Variants in AGO1 observed in about 807,000 individuals in gnomAD.
AGO1 encodes the protein protein argonaute-1.
In AGO1, 11 loss-of-function variants were observed where a neutral mutation model predicts 109.2. That is an observed-to-expected ratio of 0.10 (90% CI 0.06 to 0.17). The LOEUF is 0.17. Ranked by LOEUF, AGO1 falls within the 10% of genes least tolerant of loss-of-function variation. The probability of loss-of-function intolerance (pLI) is 1.00; values close to 1 mark genes in which losing one functional copy is unlikely to be tolerated. For missense variants in AGO1, 574 were observed against 1,140.3 expected (o/e 0.50, Z 7.15); for synonymous variants, 422 against 418.6 (o/e 1.01, Z -0.10).
Position 35,919,882 on chromosome 1 carries a change from C to T in AGO1, c.*275C>T. 2.3e-6 allele frequency: 1 copy of T among 432,246 alleles called. No individual in the cohort carries two copies. The highest frequency in any genetic ancestry group is 4.2e-6 in the Non-Finnish European group (1 of 237,846). The allele number at this position is 432,246 out of a possible 1,614,324, so 26.8% of individuals were successfully genotyped here. On this transcript the variant is annotated 3_prime_UTR_variant, in exon 19 of 19. Transcript: ENST00000373204. The surrounding 1 kb of genome is among the most constrained non-coding windows in gnomAD (Gnocchi z 6.6). ...CCCCACTGGACCAAAAGGGGCAGCA[C>T]TGGTGCCCACCATACACACAGGTGT...
intron 8 of AGO1, among the ~76,000 whole-genome samples, chr1:35,895,731 T>A (rs2148712556): frequency 6.6e-6 from 1 of 152,368 alleles, no homozygotes; most frequent in Non-Finnish European, 1.5e-5. Context: ...ATTGTCATAC[T>A]TTTATAAGTC....
At position 35,871,541 on chromosome 1, in the gene AGO1, C is replaced by CAAAA. The variant is rs912462183; in HGVS notation, c.-201+1644_-201+1647dup. Among the ~76,000 whole-genome samples, 3 of 138,242 alleles carry CAAAA rather than the reference C, an allele frequency of 2.2e-5. No homozygotes were observed. In the East Asian group the frequency reaches 6.4e-4, roughly 30 times the overall value. 90.7% of individuals were successfully genotyped at this position (138,242 alleles called of 152,430 possible). A position where few individuals can be genotyped will look rare whatever the true frequency, so the allele number is the denominator to read the frequency against. ...CTGGTGACAGAGCAAGACTCCGTCT[C>CAAAA]AAAAAAAAAGAAAAAAAAAAGATTA... On this transcript the variant is annotated intron_variant, in intron 1 of 18. Coordinates refer to the AGO1 transcript ENST00000373206.
intron 12 of AGO1, among the ~76,000 whole-genome samples, chr1:35,909,543 C>T (rs1415889338): frequency 6.6e-6 from 1 of 152,206 alleles, no homozygotes; most frequent in Non-Finnish European, 1.5e-5. Context: ...TTGTCCCCCA[C>T]CTTGCACTTA....
At chr1:35,894,801 T>C (rs1645289176) in intron 7 of AGO1, among the ~76,000 whole-genome samples, 1 of 152,250 alleles carries the variant, frequency 6.6e-6, no homozygotes, top group East Asian at 1.9e-4. Context: ...CTGATTATTA[T>C]GAGTGTCTAC....
At chr1:35,874,972 A>T (rs1218713969) in intron 1 of AGO1, among the ~76,000 whole-genome samples, 1 of 152,332 alleles carries the variant, frequency 6.6e-6, no homozygotes, top group South Asian at 2.1e-4. Context: ...ATAGAAGAAA[A>T]GTTTGAAGCT....
In AGO1 at chr1:35,888,680, A is replaced by C; in HGVS notation, c.209+70A>C. ...CTTGAAAGAGGGGCCAGAAAGGTAA[A>C]AGAAAAACCAGTAGAGGGTAGTATC... On this transcript the variant is annotated intron_variant, in intron 2 of 18. Coordinates refer to ENST00000373204, the MANE Select transcript of AGO1 (RefSeq NM_012199.5). This position sits in a 1 kb window ranked among gnomAD's most constrained non-coding sequence, Gnocchi z 4.1. 1 of 1,561,042 alleles carries C rather than the reference A, an allele frequency of 6.4e-7. No individual in the cohort carries two copies. Among genetic ancestry groups the C allele is most frequent in the Non-Finnish European group, 8.7e-7 (1 of 1,145,890 alleles).
intron 15 of AGO1, among the ~76,000 whole-genome samples, 166 bp downstream of exon 15, chr1:35,915,708 A>C (rs1217807871): frequency 6.6e-6 from 1 of 152,218 alleles, no homozygotes; most frequent in Non-Finnish European, 1.5e-5. Context: ...TGGAGTGTAC[A>C]AGCATCTGTA....
At chr1:35,913,698 A>G (rs1471188597) in intron 12 of AGO1, 144 bp from the exon 13 acceptor site, 4 of 722,368 alleles carry the variant, frequency 5.5e-6, no homozygotes, top group African/African-American at 5.4e-5. Context: ...ATTAGTCCCT[A>G]TTTAGTAAGC....
chr1:35,904,040 TCA>T (rs1383112000), intron 11 of AGO1, among the ~76,000 whole-genome samples: 2 of 149,118 alleles, frequency 1.3e-5, no homozygotes, highest in Admixed American at 6.7e-5. Flanking sequence ...CCCTTACCCC[TCA>T]CAGATACACA....
chr1:35,870,444 C>T (rs1209254643), intron 1 of AGO1, among the ~76,000 whole-genome samples: 1 of 151,984 alleles, frequency 6.6e-6, no homozygotes, highest in Non-Finnish European at 1.5e-5. Context: ...CCACCACGCC[C>T]GGCTAATTTT....
At chr1:35,889,857 T>G (rs1645185730) in intron 2 of AGO1, among the ~76,000 whole-genome samples, 1 of 150,298 alleles carries the variant, frequency 6.7e-6, no homozygotes. Flanking sequence ...GGACTATAGG[T>G]GCTCCCCACC....
At position 35,929,788 on chromosome 1, in the gene AGO1, A is replaced by G. The variant is rs557614640; in HGVS notation, c.*10181A>G. On this transcript the variant is annotated 3_prime_UTR_variant, in exon 19 of 19. Coordinates refer to ENST00000373204, the MANE Select transcript of AGO1 (RefSeq NM_012199.5). ...AGTACTTTAAAATGGTAAATAGTAA[A>G]TACTTGTGTTATTCACTAACATTTG... 1.2e-4 allele frequency: 18 copies of G among 152,262 alleles called. No homozygotes were observed. Among genetic ancestry groups the G allele is most frequent in the African/African-American group, 4.1e-4 (17 of 41,532 alleles). The allele number at this position is 152,262 out of a possible 1,614,324, so 9.4% of individuals were successfully genotyped here. A position where few individuals can be genotyped will look rare whatever the true frequency, so the allele number is the denominator to read the frequency against.
chr1:35,902,096 A>T (rs1227761000), intron 10 of AGO1, 26 bp downstream of exon 10: 6 of 1,588,426 alleles, frequency 3.8e-6, no homozygotes, highest in Non-Finnish European at 5.1e-6. Flanking sequence ...GCCAGACAAC[A>T]TCTCGGGGCA....
chr1:35,913,100 A>G (rs1417495917), intron 12 of AGO1, among the ~76,000 whole-genome samples: 3 of 150,298 alleles, frequency 2.0e-5, no homozygotes, highest in Admixed American at 6.6e-5. Flanking sequence ...GCTCACTACA[A>G]GCTCCACCTC....
At position 35,886,942 on chromosome 1, in the gene AGO1, A is replaced by G. The variant is rs1397339404; in HGVS notation, c.26-1485A>G. 2.0e-5 allele frequency among the ~76,000 whole-genome samples: 3 copies of G among 152,254 alleles called. No individual in the cohort carries two copies. In the East Asian group the frequency reaches 5.8e-4, roughly 29 times the overall value. On this transcript the variant is annotated intron_variant, in intron 1 of 18. Transcript: ENST00000373204. ...ATATGTGTGTAAGTGTAAATTGCCA[A>G]GGTCTAAGTGTGTGTTTGGATGTGT...
At chr1:35,906,741 G>C (rs1044173644) in intron 11 of AGO1, among the ~76,000 whole-genome samples, 194 bp from the exon 12 acceptor site, 1 of 151,562 alleles carries the variant, frequency 6.6e-6, no homozygotes, top group Non-Finnish European at 1.5e-5. Flanking sequence ...CTAGCAGCTC[G>C]AGGCTTGAGT....
intron 11 of AGO1, among the ~76,000 whole-genome samples, chr1:35,906,502 T>C (rs1645521932): frequency 6.6e-6 from 1 of 152,210 alleles, no homozygotes; most frequent in Non-Finnish European, 1.5e-5. Flanking sequence ...TTATTGTGTA[T>C]CATTCATGTT....
chr1:35,928,594 T>C lies in AGO1; in HGVS notation c.*8987T>C, dbSNP rs1645976445. 1 of 152,224 alleles carries C rather than the reference T, an allele frequency of 6.6e-6. No homozygotes were observed. Among genetic ancestry groups the C allele is most frequent in the Admixed American group, 6.5e-5 (1 of 15,284 alleles). 9.4% of individuals were successfully genotyped at this position (152,224 alleles called of 1,614,324 possible). On this transcript the variant is annotated 3_prime_UTR_variant, in exon 19 of 19. Coordinates refer to ENST00000373204, the MANE Select transcript of AGO1 (RefSeq NM_012199.5). ...CCACAAGCCACTGGGCCCAGCCTCT[T>C]TTACCTGTTTCAAAATTGAGTTTTA...
At chr1:35,916,731 A>G (rs1011997048) in intron 15 of AGO1, among the ~76,000 whole-genome samples, 1 of 152,230 alleles carries the variant, frequency 6.6e-6, no homozygotes, top group African/African-American at 2.4e-5. Context: ...ATCATATCAC[A>G]TATCTGTTCA....
Sources: allele counts gnomAD v4.1 joint callset (sites outside exome capture counted in the v4.1 genomes callset), GRCh38; gene constraint gnomAD v4.1.1; non-coding constraint Gnocchi (gnomAD v3.1); transcripts MANE v1.5; gene names NCBI Gene and HGNC (gene_info 2026-07-23, HGNC 2026-07-21).